The following SEMA3E variants were observed in gnomAD, a reference collection of about 807,000 sequenced individuals.
SEMA3E encodes the protein semaphorin 3E, also known as semaphorin-3E.
SEMA3E carries 49 observed loss-of-function variants against 93.6 expected under a neutral mutation model. The observed-to-expected ratio is 0.52, with a 90% CI of 0.42 to 0.66. The LOEUF (loss-of-function observed/expected upper bound fraction) is 0.66, where lower values mean the gene tolerates loss of function less well. Among genes scored for constraint, SEMA3E ranks in the 30% least tolerant of loss-of-function variants. The pLI is 0.00. For missense variants in SEMA3E, 906 were observed against 964.8 expected (o/e 0.94, Z 0.81); for synonymous variants, 363 against 330.7 (o/e 1.10, Z -1.06).
intron 1 of SEMA3E, among the ~76,000 whole-genome samples, chr7:83,532,786 T>TA (rs745674254): frequency 0.023 from 3,441 of 151,334 alleles, 75 homozygotes; most frequent in African/African-American, 0.051. Flanking sequence ...GTTTTTTTTT[T>TA]AAAAAAAGAA....
intron 1 of SEMA3E, among the ~76,000 whole-genome samples, chr7:83,520,236 G>A (rs1307575798): frequency 6.6e-6 from 1 of 152,022 alleles, no homozygotes. Flanking sequence ...TTATGCCTAA[G>A]AGAGTACAGT....
chr7:83,551,084 C>T (rs1234969507), intron 1 of SEMA3E, among the ~76,000 whole-genome samples: 1 of 152,064 alleles, frequency 6.6e-6, no homozygotes, highest in East Asian at 1.9e-4. Flanking sequence ...GTTGGTAGAA[C>T]TATAAGTTGT....
chr7:83,525,603 G>A (rs1318857127), intron 1 of SEMA3E, among the ~76,000 whole-genome samples: 3 of 151,440 alleles, frequency 2.0e-5, no homozygotes, highest in Non-Finnish European at 4.4e-5. Flanking sequence ...CTTCCTCTGA[G>A]ATTTTTATTC....
At chr7:83,611,374 T>C (rs1032257257) in intron 1 of SEMA3E, among the ~76,000 whole-genome samples, 42 of 144,072 alleles carry the variant, frequency 2.9e-4, no homozygotes, top group Non-Finnish European at 5.6e-4. Context: ...ATATATTATA[T>C]ATATAAATTT....
At position 83,390,200 on chromosome 7, in the gene SEMA3E, T is replaced by C. The variant is rs1305319029; in HGVS notation, c.1667+2355A>G. Among the ~76,000 whole-genome samples the C allele has an allele frequency of 8.2e-4, 20 of 24,314 alleles. 5 individuals carry two copies. The highest frequency in any genetic ancestry group is 1.9e-3 in the Admixed American group (4 of 2,066). 16.0% of individuals were successfully genotyped at this position (24,314 alleles called of 152,430 possible). On this transcript the variant is annotated intron_variant, in intron 14 of 16. Coordinates refer to ENST00000643230, the MANE Select transcript of SEMA3E (RefSeq NM_012431.3). ...GTGTGCACATATATGCGCGTATACG[T>C]GTGCACATATATGCGCGTATATATG...
intron 1 of SEMA3E, among the ~76,000 whole-genome samples, chr7:83,637,421 A>T (rs1793901213): frequency 6.6e-6 from 1 of 152,150 alleles, no homozygotes; most frequent in African/African-American, 2.4e-5. Flanking sequence ...AAATCTACTT[A>T]AAAATTATAG....
intron 1 of SEMA3E, among the ~76,000 whole-genome samples, chr7:83,514,907 T>G (rs1222262408): frequency 1.3e-5 from 2 of 152,142 alleles, no homozygotes; most frequent in African/African-American, 2.4e-5. Flanking sequence ...TGATATCATA[T>G]TTACTTATAT....
intron 13 of SEMA3E, among the ~76,000 whole-genome samples, chr7:83,393,595 A>C (rs1250138809): frequency 6.6e-6 from 1 of 152,190 alleles, no homozygotes; most frequent in Non-Finnish European, 1.5e-5. Flanking sequence ...TCTTTTAAAT[A>C]TTGACATATA....
chr7:83,469,352 C>G (rs757513428), intron 2 of SEMA3E, 50 bp from the exon 3 acceptor site: 1 of 1,309,614 alleles, frequency 7.6e-7, no homozygotes, highest in Admixed American at 1.7e-5. Context: ...TAAAAATAAA[C>G]CACACTGAAA....
At chr7:83,629,366 C>T (rs1157303246) in intron 1 of SEMA3E, among the ~76,000 whole-genome samples, 1 of 152,176 alleles carries the variant, frequency 6.6e-6, no homozygotes, top group Non-Finnish European at 1.5e-5. Context: ...CTCTTCAGAG[C>T]CAGCAGGCAG....
At chr7:83,519,894 C>T (rs914257370) in intron 1 of SEMA3E, among the ~76,000 whole-genome samples, 1 of 152,132 alleles carries the variant, frequency 6.6e-6, no homozygotes, top group African/African-American at 2.4e-5. Flanking sequence ...AGGACACAGA[C>T]TTTCAAGGTG....
chr7:83,609,041 G>C (rs1793191108), intron 1 of SEMA3E, among the ~76,000 whole-genome samples: 1 of 151,980 alleles, frequency 6.6e-6, no homozygotes, highest in South Asian at 2.1e-4. Context: ...TAAGTATTGA[G>C]AAAGATAATT....
chr7:83,380,797 A>G (rs924533029), intron 16 of SEMA3E, among the ~76,000 whole-genome samples: 6 of 152,008 alleles, frequency 3.9e-5, no homozygotes, highest in Non-Finnish European at 7.4e-5. Flanking sequence ...CTCCGAGTAG[A>G]TATTTACTGA....
At chr7:83,622,821 G>T (rs1218965871) in intron 1 of SEMA3E, among the ~76,000 whole-genome samples, 1 of 152,068 alleles carries the variant, frequency 6.6e-6, no homozygotes, top group Non-Finnish European at 1.5e-5. Context: ...CACACACTGG[G>T]GCCTGTCAGG....
intron 1 of SEMA3E, among the ~76,000 whole-genome samples, chr7:83,517,229 C>T (rs538319253): frequency 5.5e-4 from 83 of 152,184 alleles, no homozygotes; most frequent in South Asian, 2.1e-3. Flanking sequence ...TTATGCTAGA[C>T]GGAGCATGAA....
At chr7:83,639,596 A>C (rs1793957706) in intron 1 of SEMA3E, among the ~76,000 whole-genome samples, 1 of 151,326 alleles carries the variant, frequency 6.6e-6, no homozygotes, top group Admixed American at 6.6e-5. Flanking sequence ...TTTAAAAACA[A>C]TTACATAAAT....
intron 1 of SEMA3E, among the ~76,000 whole-genome samples, chr7:83,492,820 C>T (rs1201167378): frequency 6.6e-6 from 1 of 151,722 alleles, no homozygotes; most frequent in African/African-American, 2.4e-5. Flanking sequence ...ACTGGAGAAA[C>T]CTGGGTGCTC....
chr7:83,642,077 TAA>T (rs1264093405), intron 1 of SEMA3E, among the ~76,000 whole-genome samples: 1 of 152,202 alleles, frequency 6.6e-6, no homozygotes, highest in Non-Finnish European at 1.5e-5. Flanking sequence ...GAGTGTTTTC[TAA>T]TACCTGGGCT....
chr7:83,531,143 C>G (rs1791286061), intron 1 of SEMA3E, among the ~76,000 whole-genome samples: 1 of 151,814 alleles, frequency 6.6e-6, no homozygotes, highest in Non-Finnish European at 1.5e-5. Flanking sequence ...ATAAAATCAT[C>G]TTGCCCTAAT....
Sources: gnomAD v4.1 joint callset for allele counts (sites outside exome capture counted in the v4.1 genomes callset) on GRCh38, gnomAD v4.1.1 for gene constraint, MANE v1.5 for transcripts, NCBI Gene and HGNC (gene_info 2026-07-23, HGNC 2026-07-21) for gene names.